Variants in SMC2 observed in about 807,000 individuals in gnomAD.
SMC2 encodes the protein structural maintenance of chromosomes protein 2.
A neutral mutation model predicts 142.6 loss-of-function variants in SMC2; 41 were observed. The observed-to-expected ratio is 0.29, with a 90% CI of 0.22 to 0.37. The LOEUF is 0.37. SMC2 is among the 10% of genes least tolerant of loss of function. The pLI is 1.00. For synonymous variants in SMC2, 463 were observed against 457.5 expected (o/e 1.01, Z -0.15); for missense variants, 1,265 against 1,373.7 (o/e 0.92, Z 1.25).
intron 13 of SMC2, 103 bp downstream of exon 13, chr9:104,114,932 A>T (rs192230110): frequency 1.1e-6 from 1 of 897,082 alleles, no homozygotes; most frequent in African/African-American, 1.7e-5. Flanking sequence ...CTCTCCCCTA[A>T]GGTGACTTAT....
At chr9:104,126,564 A>AATTGTTCTGTACATATTTGT (rs1834312750) in intron 18 of SMC2, 77 bp from the exon 19 acceptor site, 26 of 1,077,730 alleles carry the variant, frequency 2.4e-5, no homozygotes. Context: ...ATTATTATTT[A>AATTGTTCTGTACATATTTGT]TTTAATTGTT....
chr9:104,127,395 A>C lies in SMC2; in HGVS notation c.2705A>C (p.Gln902Pro), dbSNP rs1834429796. 1.2e-6 allele frequency: 2 copies of C among 1,613,800 alleles called. No individual in the cohort carries two copies. The highest frequency in any genetic ancestry group is 1.7e-6 in the Non-Finnish European group (2 of 1,179,840). Residue 902 changes from glutamine (Q) to proline (P), a missense_variant, in exon 20 of 25, where the codon CAA becomes CCA. Physicochemically the swap from Gln to Pro is moderately conservative, Grantham distance 76. This residue lies in a region of SMC2 where 898 missense variants were observed against 904.2 expected (regional missense o/e 0.99). Coordinates refer to ENST00000374793, the MANE Select transcript of SMC2 (RefSeq NM_006444.3). ...GCAGAAGTGGCAAAACACAAGGAGC[A>C]AAACAATGATTCTCAGCTTAAAATT... ...KYAEVAKHKE[Q>P]NNDSQLKIKE...
At chr9:104,092,377 GACTA>G (rs1830000099), upstream of SMC2, 1 of 152,286 alleles carries the variant, frequency 6.6e-6, no homozygotes, top group Middle Eastern at 3.4e-3. Context: ...AAAGTGCAAA[GACTA>G]ACAGTCTGTC....
rs749487482 is a variant in SMC2, at chr9:104,102,484, A to G, written c.931A>G (p.Thr311Ala). 5.6e-6 allele frequency: 9 copies of G among 1,613,884 alleles called. No individual in the cohort carries two copies. The highest frequency in any genetic ancestry group is 7.6e-6 in the Non-Finnish European group (9 of 1,179,840). The change falls in exon 9 of 25, where the codon ACT becomes GCT. Residue 311 changes from threonine to alanine, a missense_variant. Physicochemically the swap from Thr to Ala is moderately conservative, Grantham distance 58. This residue lies in a region of SMC2 where 898 missense variants were observed against 904.2 expected (regional missense o/e 0.99). Transcript: ENST00000374793. ...DALAEAQRVN[T>A]KSQSAFDLKK... ...TCTTGCAGAGGCTCAGCGAGTTAAT[A>G]CTAAATCTCAAAGCGCATTTGATCT...
Position 104,129,953 on chromosome 9 carries a change from T to G in SMC2, c.2991+108T>G, listed in dbSNP as rs940661959. 17 of 780,536 alleles carry G rather than the reference T, an allele frequency of 2.2e-5. No homozygotes were observed. The Admixed American group carries it at 3.7e-4, about 17-fold the overall frequency. 48.4% of individuals were successfully genotyped at this position (780,536 alleles called of 1,614,324 possible). ...TAGAGTTAACCTTTTGCAGATGTCC[T>G]TGATACTTTTCTTTCTGCTTTCCTT... On this transcript the variant is annotated intron_variant, in intron 21 of 24. Coordinates refer to ENST00000374793, the MANE Select transcript of SMC2 (RefSeq NM_006444.3).
At chr9:104,116,394 G>C in intron 14 of SMC2, 75 bp downstream of exon 14, 1 of 1,389,046 alleles carries the variant, frequency 7.2e-7, no homozygotes, top group Non-Finnish European at 9.6e-7. Flanking sequence ...CATTAATTTT[G>C]AGGGACATAA....
rs370286184 is a variant in SMC2 at position 104,100,448 on chromosome 9, T to A, written c.636+15T>A. 7.7e-6 allele frequency: 11 copies of A among 1,425,808 alleles called. No homozygotes were observed. Among genetic ancestry groups the A allele is most frequent in the Non-Finnish European group, 1.1e-5 (11 of 1,018,470 alleles). The allele number at this position is 1,425,808 out of a possible 1,614,324, so 88.3% of individuals were successfully genotyped here. On this transcript the variant is annotated intron_variant, in intron 7 of 24. Coordinates refer to ENST00000374793, the MANE Select transcript of SMC2 (RefSeq NM_006444.3). ...AATTAAAAGAGGTATATTCTGTATA[T>A]GTGAGGATAATCTATTAGAATGTCT...
At chr9:104,132,221 G>A in intron 22 of SMC2, 96 bp downstream of exon 22, 3 of 704,418 alleles carry the variant, frequency 4.3e-6, no homozygotes, top group South Asian at 3.4e-5. Flanking sequence ...GCTGATCTAT[G>A]TTTGAATGAG....
chr9:104,116,944 T>C (rs904207965), intron 14 of SMC2, among the ~76,000 whole-genome samples: 27 of 152,212 alleles, frequency 1.8e-4, no homozygotes, highest in African/African-American at 6.3e-4. Context: ...AGCTGTAATA[T>C]CAGTTTTTTT....
At chr9:104,109,978 A>G (rs1832241424) in intron 9 of SMC2, among the ~76,000 whole-genome samples, 1 of 152,214 alleles carries the variant, frequency 6.6e-6, no homozygotes. Context: ...ATACTACACT[A>G]TTATAATAAT....
At chr9:104,123,290 T>C (rs764856395) in intron 17 of SMC2, 58 bp downstream of exon 17, 1 of 1,528,732 alleles carries the variant, frequency 6.5e-7, no homozygotes, top group Admixed American at 1.8e-5. Flanking sequence ...GTTACCTTAC[T>C]TTAGGTATCT....
At chr9:104,119,075 A>C (rs1833441983) in intron 15 of SMC2, among the ~76,000 whole-genome samples, 1 of 152,170 alleles carries the variant, frequency 6.6e-6, no homozygotes, top group South Asian at 2.1e-4. Context: ...AGTAGACGGC[A>C]TAAAGCCACT....
intron 22 of SMC2, among the ~76,000 whole-genome samples, chr9:104,133,772 G>C (rs539210629): frequency 1.3e-5 from 2 of 151,976 alleles, no homozygotes; most frequent in East Asian, 3.9e-4. Context: ...CTTTTCTCTT[G>C]GGATGTAATC....
At chr9:104,120,587 A>G (rs16923684) in intron 16 of SMC2, among the ~76,000 whole-genome samples, 8,636 of 152,240 alleles carry the variant, frequency 0.057, 660 homozygotes, top group African/African-American at 0.18. Flanking sequence ...GCTGTCCTAC[A>G]TATATCAAGG....
At chr9:104,098,359 C>T (rs1830699093) in intron 3 of SMC2, 87 bp from the exon 4 acceptor site, 7 of 1,139,156 alleles carry the variant, frequency 6.1e-6, no homozygotes, top group Middle Eastern at 3.0e-4. Context: ...TCAGACAGAA[C>T]AAATAAACGT....
intron 12 of SMC2, among the ~76,000 whole-genome samples, chr9:104,114,445 A>C (rs1432008310): frequency 6.6e-6 from 1 of 152,180 alleles, no homozygotes; most frequent in Non-Finnish European, 1.5e-5. Flanking sequence ...CATATGTATT[A>C]TAGGGATTAG....
At chr9:104,129,551 T>G (rs1834710181) in intron 20 of SMC2, 94 bp from the exon 21 acceptor site, 1 of 1,015,836 alleles carries the variant, frequency 9.8e-7, no homozygotes, top group Non-Finnish European at 1.5e-6. Context: ...TCTTCAGTAT[T>G]TGATTCAAAA....
intron 23 of SMC2, among the ~76,000 whole-genome samples, chr9:104,134,949 G>C (rs1213346477): frequency 6.6e-6 from 1 of 152,000 alleles, no homozygotes; most frequent in African/African-American, 2.4e-5. Flanking sequence ...AGACAGATTA[G>C]AATTTTGCAA....
chr9:104,125,185 C>CTTATTCATCAGAA, intron 18 of SMC2, 80 bp downstream of exon 18: 1 of 1,007,060 alleles, frequency 9.9e-7, no homozygotes, highest in Non-Finnish European at 1.4e-6. Flanking sequence ...ATTGGTTGAC[C>CTTATTCATCAGAA]TTATTCATCA....
Sources: gnomAD v4.1 joint callset for allele counts (sites outside exome capture counted in the v4.1 genomes callset) on GRCh38, gnomAD v4.1.1 for gene constraint, gnomAD v4.1.1 regional missense constraint, MANE v1.5 for transcripts, NCBI Gene and HGNC (gene_info 2026-07-23, HGNC 2026-07-21) for gene names.